Variants in ZNF521 observed in about 807,000 individuals in gnomAD.
ZNF521 encodes zinc finger protein 521.
ZNF521 carries 14 observed loss-of-function variants against 105.5 expected under a neutral mutation model. That is an observed-to-expected ratio of 0.13 (90% CI 0.09 to 0.21). The LOEUF is 0.21. Ranked by LOEUF, ZNF521 falls within the 10% of genes least tolerant of loss-of-function variation. The pLI is 1.00. For synonymous variants in ZNF521, 635 were observed against 606.0 expected, an observed-to-expected ratio of 1.05 and a Z score of -0.70; for missense variants, 1,233 against 1,629.7, an observed-to-expected ratio of 0.76 and a Z score of 4.19.
At chr18:25,328,429 ACACAC>A (rs1459991218) in intron 2 of ZNF521, among the ~76,000 whole-genome samples, 5 of 151,764 alleles carry the variant, frequency 3.3e-5, no homozygotes, top group African/African-American at 9.7e-5. Context: ...ACACACACAC[ACACAC>A]ACACACACAC....
intron 2 of ZNF521, among the ~76,000 whole-genome samples, chr18:25,322,490 G>A (rs8090710): frequency 2.2e-5 from 3 of 137,192 alleles, no homozygotes; most frequent in East Asian, 4.3e-4. Context: ...TTTAGTTTTC[G>A]CTTAAAAGAG....
At chr18:25,104,018 CTG>C (rs2034022567) in intron 5 of ZNF521, among the ~76,000 whole-genome samples, 1 of 152,134 alleles carries the variant, frequency 6.6e-6, no homozygotes, top group Non-Finnish European at 1.5e-5. Context: ...ATAAGTCTAT[CTG>C]TTAAATAAAG....
chr18:25,185,749 A>G (rs1382440518), intron 5 of ZNF521, among the ~76,000 whole-genome samples: 1 of 152,184 alleles, frequency 6.6e-6, no homozygotes, highest in Non-Finnish European at 1.5e-5. Flanking sequence ...ATAAATAAAT[A>G]AACAGAGGTG....
intron 5 of ZNF521, among the ~76,000 whole-genome samples, chr18:25,193,981 C>T (rs1002126429): frequency 2.0e-5 from 3 of 151,714 alleles, no homozygotes; most frequent in African/African-American, 4.8e-5. Context: ...AATCAATTTT[C>T]CAACATGCTT....
intron 5 of ZNF521, among the ~76,000 whole-genome samples, chr18:25,178,016 CCTT>C (rs1248968108): frequency 3.9e-5 from 6 of 152,088 alleles, no homozygotes; most frequent in Admixed American, 3.3e-4. Context: ...CTTCATTACT[CCTT>C]CTCTAATAAC....
At chr18:25,348,378 A>G (rs1489936563) in intron 2 of ZNF521, among the ~76,000 whole-genome samples, 2 of 152,208 alleles carry the variant, frequency 1.3e-5, no homozygotes, top group Non-Finnish European at 2.9e-5. Flanking sequence ...AGCCACCCAG[A>G]ATGCCCTTCC....
At chr18:25,211,124 A>T (rs1223235591) in intron 4 of ZNF521, among the ~76,000 whole-genome samples, 2 of 152,230 alleles carry the variant, frequency 1.3e-5, no homozygotes, top group East Asian at 3.8e-4. Context: ...AAAAAAGATT[A>T]ACTGAGATGC....
At chr18:25,267,057 G>T (rs1435250876) in intron 3 of ZNF521, among the ~76,000 whole-genome samples, 1 of 152,092 alleles carries the variant, frequency 6.6e-6, no homozygotes, top group Non-Finnish European at 1.5e-5. Flanking sequence ...CACAGCAGTC[G>T]AAGGTTGACC....
chr18:25,158,281 T>C (rs1253822777), intron 5 of ZNF521, among the ~76,000 whole-genome samples: 1 of 152,068 alleles, frequency 6.6e-6, no homozygotes, highest in Non-Finnish European at 1.5e-5. Flanking sequence ...TATATATGCA[T>C]GTGCATGTAT....
intron 3 of ZNF521, among the ~76,000 whole-genome samples, chr18:25,263,367 GT>G (rs1223646762): frequency 6.8e-6 from 1 of 147,962 alleles, no homozygotes; most frequent in Admixed American, 6.7e-5. Flanking sequence ...TTTTTTTTTT[GT>G]TTTTTTGAGA....
intron 3 of ZNF521, among the ~76,000 whole-genome samples, chr18:25,246,237 A>G (rs1907710283): frequency 6.6e-6 from 1 of 152,166 alleles, no homozygotes; most frequent in South Asian, 2.1e-4. Flanking sequence ...ATAAATAAAT[A>G]AAGTAAAAAA....
intron 2 of ZNF521, among the ~76,000 whole-genome samples, chr18:25,323,023 C>T (rs1320042531): frequency 2.6e-5 from 4 of 151,898 alleles, no homozygotes; most frequent in African/African-American, 4.8e-5. Context: ...TTACTTAGAG[C>T]TCAATAAACG....
intron 7 of ZNF521, among the ~76,000 whole-genome samples, chr18:25,077,341 T>C (rs1405432342): frequency 1.3e-5 from 2 of 152,222 alleles, no homozygotes; most frequent in Non-Finnish European, 2.9e-5. Flanking sequence ...CTGATTGCTA[T>C]TTGTGCTCTG....
chr18:25,173,703 T>A (rs531548120), intron 5 of ZNF521, among the ~76,000 whole-genome samples: 1 of 151,890 alleles, frequency 6.6e-6, no homozygotes, highest in African/African-American at 2.4e-5. Context: ...ATGGGAAAAA[T>A]ATAAAACGAA....
rs1172783084 is a variant in ZNF521 at position 25,226,825 on chromosome 18, C to T, written c.1093G>A (p.Val365Met). Residue 365 changes from valine to methionine, a missense_variant, in exon 4 of 8, where the codon GTG becomes ATG. By Grantham distance (21) the Val-to-Met change is conservative. Transcript: ENST00000361524. This position sits in a 1 kb window ranked among gnomAD's most constrained non-coding sequence, Gnocchi z 4.1. ...GCTTCCACCATGGTTGAGCTGTCCA[C>T]TGAGAGGTTGGAATCTGGAGTCGTA... ...SSTTPDSNLS[V>M]DSSTMVEAAP... The T allele has an allele frequency of 1.2e-6, 2 of 1,613,900 alleles. No homozygotes were observed. Among genetic ancestry groups the T allele is most frequent in the East Asian group, 4.5e-5 (2 of 44,852 alleles).
At chr18:25,143,205 C>T (rs2034882678) in intron 5 of ZNF521, among the ~76,000 whole-genome samples, 2 of 152,114 alleles carry the variant, frequency 1.3e-5, no homozygotes, top group Admixed American at 1.3e-4. Context: ...AGTGGATTTT[C>T]TCTAAAGCTA....
At position 25,225,417 on chromosome 18, in the gene ZNF521, A is replaced by G. The variant is rs1443216512; in HGVS notation, c.2501T>C (p.Val834Ala). 1 of 1,614,180 alleles carries G rather than the reference A, an allele frequency of 6.2e-7. No individual in the cohort carries two copies. The highest frequency in any genetic ancestry group is 1.7e-5 in the Admixed American group (1 of 60,010). The stretch of plus-strand genomic sequence containing the variant: ...ACAGTTGGGTGTCTTGGTTTCGAAT[A>G]CACAGTGTTTTTCTCGCAAGTGTTT... ...LEKHLREKHC[V>A]FETKTPNCGT... Residue 834 changes from valine (V) to alanine (A), a missense_variant, in exon 4 of 8, where the codon GTA becomes GCA. Val to Ala is a moderately conservative substitution (Grantham distance 64). Transcript: ENST00000361524. This position sits in a 1 kb window ranked among gnomAD's most constrained non-coding sequence, Gnocchi z 5.6.
At chr18:25,318,281 G>A (rs1024827383) in intron 3 of ZNF521, among the ~76,000 whole-genome samples, 2 of 152,058 alleles carry the variant, frequency 1.3e-5, no homozygotes, top group African/African-American at 4.8e-5. Flanking sequence ...TGAATCTATG[G>A]TTAAAACAGC....
At position 25,117,052 on chromosome 18, in the gene ZNF521, T is replaced by TAC. The variant is rs1278664215; in HGVS notation, c.3659-24972_3659-24971insGT. ...ATACATACACACACACACACATATA[T>TAC]ATACACACACACACACACACACACA... On this transcript the variant is annotated intron_variant, in intron 5 of 7. Coordinates refer to ENST00000361524, the MANE Select transcript of ZNF521 (RefSeq NM_015461.3). 1.4e-3 allele frequency among the ~76,000 whole-genome samples: 49 copies of TAC among 33,898 alleles called. No individual in the cohort carries two copies. In the East Asian group the frequency reaches 0.025, roughly 17 times the overall value. The allele number at this position is 33,898 out of a possible 152,430, so 22.2% of individuals were successfully genotyped here.
Sources: gnomAD v4.1 joint callset for allele counts (sites outside exome capture counted in the v4.1 genomes callset) on GRCh38, gnomAD v4.1.1 for gene constraint, Gnocchi (gnomAD v3.1) non-coding constraint, MANE v1.5 for transcripts, NCBI Gene and HGNC (gene_info 2026-07-23, HGNC 2026-07-21) for gene names.